Variants in DDX10 observed in about 807,000 individuals in gnomAD.
The protein encoded by DDX10 is DEAD-box helicase 10.
In DDX10, 74 loss-of-function variants were observed where a neutral mutation model predicts 104.3. That is an observed-to-expected ratio of 0.71 (90% CI 0.59 to 0.86). DDX10 has a LOEUF of 0.86. Among genes scored for constraint, DDX10 ranks in the 40% least tolerant of loss-of-function variants. The probability of loss-of-function intolerance (pLI) is 0.00; values close to 1 mark genes in which losing one functional copy is unlikely to be tolerated. For missense variants in DDX10, 952 were observed against 1,040.0 expected, an observed-to-expected ratio of 0.92 and a Z score of 1.16; for synonymous variants, 351 against 353.4, an observed-to-expected ratio of 0.99 and a Z score of 0.08.
Position 108,824,547 on chromosome 11 carries a change from C to T in DDX10, c.1966-13899C>T, listed in dbSNP as rs1862370483. Among the ~76,000 whole-genome samples the T allele has an allele frequency of 3.3e-5, 5 of 152,008 alleles. No individual in the cohort carries two copies. In the South Asian group the frequency reaches 1.0e-3, roughly 31 times the overall value. ...CTGTAGAGATGAGAAATTGATATAG[C>T]CAATTTGGACACAAGTTAAAAATGA... is the stretch of plus-strand genomic sequence containing the variant. On this transcript the variant is annotated intron_variant, in intron 13 of 17. Coordinates refer to ENST00000322536, the MANE Select transcript of DDX10 (RefSeq NM_004398.4).
chr11:108,911,899 CA>C (rs1400909990), intron 16 of DDX10, among the ~76,000 whole-genome samples: 1 of 152,104 alleles, frequency 6.6e-6, no homozygotes, highest in Non-Finnish European at 1.5e-5. Context: ...CACAAACATT[CA>C]GACCGTAGCA....
chr11:108,901,352 A>G (rs879666072), intron 16 of DDX10, among the ~76,000 whole-genome samples: 1 of 152,230 alleles, frequency 6.6e-6, no homozygotes, highest in Non-Finnish European at 1.5e-5. Flanking sequence ...AAGTGAGACA[A>G]TAAGCCCATT....
intron 17 of DDX10, among the ~76,000 whole-genome samples, chr11:108,928,327 C>T (rs1464870168): frequency 6.6e-6 from 1 of 152,270 alleles, no homozygotes; most frequent in East Asian, 1.9e-4. Flanking sequence ...TTAAACTATG[C>T]CTGATCCTGG....
intron 16 of DDX10, among the ~76,000 whole-genome samples, chr11:108,882,063 T>C (rs1863233850): frequency 6.6e-6 from 1 of 152,134 alleles, no homozygotes; most frequent in Non-Finnish European, 1.5e-5. Flanking sequence ...TTACTTCCTA[T>C]TGGAGAAGTG....
At chr11:108,807,880 A>G (rs1862121685) in intron 13 of DDX10, among the ~76,000 whole-genome samples, 1 of 152,210 alleles carries the variant, frequency 6.6e-6, no homozygotes. Context: ...TAGGAATAGT[A>G]TGAAGGAAAA....
chr11:108,670,504 C>T (rs1347299744), intron 1 of DDX10, among the ~76,000 whole-genome samples: 1 of 152,140 alleles, frequency 6.6e-6, no homozygotes, highest in Non-Finnish European at 1.5e-5. Flanking sequence ...CTGAGCCCCG[C>T]CATTGACTAG....
In DDX10 at chr11:108,760,009, A is replaced by T. The variant is rs1401084059; in HGVS notation, c.1965+36547A>T. Among the ~76,000 whole-genome samples the T allele has an allele frequency of 1.8e-4, 27 of 151,932 alleles. 1 individual carries two copies. Among genetic ancestry groups the T allele is most frequent in the Admixed American group, 1.8e-3 (27 of 15,218 alleles). Reference sequence around the variant, plus strand: ...TGCCTGCATTGATCCATGTTAAAAAAAAAAAAAGAATCTCACACTATAAGA... The same window carrying T: ...TGCCTGCATTGATCCATGTTAAAAATAAAAAAAGAATCTCACACTATAAGA... On this transcript the variant is annotated intron_variant, in intron 13 of 17. Coordinates refer to ENST00000322536, the MANE Select transcript of DDX10 (RefSeq NM_004398.4).
intron 13 of DDX10, among the ~76,000 whole-genome samples, chr11:108,775,246 T>C (rs1374478406): frequency 6.6e-6 from 1 of 152,178 alleles, no homozygotes; most frequent in African/African-American, 2.4e-5. Flanking sequence ...ATTGAAAAAA[T>C]GTTAATCTCA....
At chr11:108,679,634 C>T in intron 6 of DDX10, 74 bp downstream of exon 6, 1 of 1,145,734 alleles carries the variant, frequency 8.7e-7, no homozygotes, top group Non-Finnish European at 1.2e-6. Flanking sequence ...TTTTAAATAT[C>T]TGTTTTCTGG....
At chr11:108,684,176 CTTT>C (rs55949043) in intron 6 of DDX10, among the ~76,000 whole-genome samples, 2 of 26,672 alleles carry the variant, frequency 7.5e-5, no homozygotes, top group Non-Finnish European at 1.3e-4. Flanking sequence ...TATAGATTTT[CTTT>C]TTTTTTTTTT....
chr11:108,833,210 C>G (rs1416334657), intron 13 of DDX10, among the ~76,000 whole-genome samples: 2 of 152,204 alleles, frequency 1.3e-5, no homozygotes, highest in African/African-American at 4.8e-5. Context: ...ATCTCTCCCT[C>G]AAAAGGAAGT....
chr11:108,769,629 T>C (rs77140116), intron 13 of DDX10, among the ~76,000 whole-genome samples: 6,403 of 152,214 alleles, frequency 0.042, 369 homozygotes, highest in African/African-American at 0.13. Flanking sequence ...TTCCATTTTT[T>C]TGTATAATTT....
intron 9 of DDX10, among the ~76,000 whole-genome samples, chr11:108,698,405 T>C (rs930153352): frequency 3.3e-5 from 5 of 152,216 alleles, no homozygotes; most frequent in African/African-American, 1.2e-4. Flanking sequence ...TGCAGTCTGC[T>C]CCTCGTAGAT....
intron 16 of DDX10, among the ~76,000 whole-genome samples, chr11:108,862,680 C>T (rs781217127): frequency 6.6e-6 from 1 of 152,122 alleles, no homozygotes; most frequent in Non-Finnish European, 1.5e-5. Context: ...TAAGGAGGAG[C>T]GTAGTCGTCA....
At chr11:108,749,163 C>T (rs1054281622) in intron 13 of DDX10, among the ~76,000 whole-genome samples, 2 of 151,880 alleles carry the variant, frequency 1.3e-5, no homozygotes, top group Non-Finnish European at 2.9e-5. Flanking sequence ...GCCTCCCAAG[C>T]TGCTGGGATT....
intron 13 of DDX10, among the ~76,000 whole-genome samples, chr11:108,818,646 C>A (rs1039322728): frequency 6.6e-6 from 1 of 152,140 alleles, no homozygotes; most frequent in African/African-American, 2.4e-5. Context: ...AGTGAGTCAA[C>A]TGAATCTTTT....
chr11:108,708,513 G>A (rs528260697), intron 10 of DDX10, among the ~76,000 whole-genome samples: 3 of 151,424 alleles, frequency 2.0e-5, no homozygotes, highest in Non-Finnish European at 4.4e-5. Context: ...AATGTAAATG[G>A]TATTGTTTTT....
At chr11:108,855,029 C>T (rs1862846601) in intron 16 of DDX10, among the ~76,000 whole-genome samples, 1 of 152,108 alleles carries the variant, frequency 6.6e-6, no homozygotes, top group Non-Finnish European at 1.5e-5. Context: ...GAAACTGTTA[C>T]GAAGGTTTGC....
At chr11:108,886,912 G>A (rs907578622) in intron 16 of DDX10, among the ~76,000 whole-genome samples, 16 of 152,272 alleles carry the variant, frequency 1.1e-4, no homozygotes, top group African/African-American at 3.6e-4. Flanking sequence ...CTGGACATTT[G>A]TAGGTTATCC....
Sources: gnomAD v4.1 joint callset for allele counts (sites outside exome capture counted in the v4.1 genomes callset) on GRCh38, gnomAD v4.1.1 for gene constraint, MANE v1.5 for transcripts, NCBI Gene and HGNC (gene_info 2026-07-23, HGNC 2026-07-21) for gene names.